EMX1: variants seen among roughly 807,000 people sequenced by gnomAD.
EMX1 encodes homeobox protein EMX1.
In EMX1, 10 loss-of-function variants were observed where a neutral mutation model predicts 20.1. The observed-to-expected ratio is 0.50, with a 90% CI of 0.31 to 0.84. The LOEUF is 0.84. EMX1 is among the 40% of genes least tolerant of loss of function. The pLI, the probability that EMX1 is intolerant of heterozygous loss-of-function variation, is 0.05. For missense variants in EMX1, 424 were observed against 431.9 expected (o/e 0.98, Z 0.16); for synonymous variants, 250 against 200.4 (o/e 1.25, Z -2.09).
At position 72,934,282 on chromosome 2, in the gene EMX1, A is replaced by C; in HGVS notation, c.*328A>C. The C allele has an allele frequency of 3.6e-6, 1 of 277,548 alleles. No individual in the cohort carries two copies. The highest frequency in any genetic ancestry group is 6.9e-6 in the Non-Finnish European group (1 of 145,736). 17.2% of individuals were successfully genotyped at this position (277,548 alleles called of 1,614,324 possible). ...TGTTTTAATTTATTTTCCAGGCACCACTGTAGTTTAGTGATCCCCAGTGTC... is the reference window on the plus strand; with the variant it reads ...TGTTTTAATTTATTTTCCAGGCACCCCTGTAGTTTAGTGATCCCCAGTGTC... On this transcript the variant is annotated 3_prime_UTR_variant, in exon 3 of 3. Coordinates refer to ENST00000258106, the MANE Select transcript of EMX1 (RefSeq NM_004097.3).
intron 2 of EMX1, among the ~76,000 whole-genome samples, chr2:72,928,525 G>C (rs1340446022): frequency 6.6e-6 from 1 of 152,138 alleles, no homozygotes; most frequent in Middle Eastern, 3.2e-3. Context: ...GGGTAAGTTA[G>C]TTTTAGGGGG....
intron 2 of EMX1, chr2:72,933,048 C>T (rs1254865693): frequency 6.6e-6 from 1 of 152,300 alleles, no homozygotes. Context: ...GGAGCTGGCA[C>T]CTGAGGGACA....
At chr2:72,925,512 G>C in intron 2 of EMX1, 2 of 1,288,814 alleles carry the variant, frequency 1.6e-6, no homozygotes, top group Non-Finnish European at 2.0e-6. Context: ...CAGTCTCTGC[G>C]TGCCGGCCGG....
At chr2:72,916,681 G>C (rs1036325673), upstream of EMX1, 1 of 716,592 alleles carries the variant, frequency 1.4e-6, no homozygotes. Context: ...GTGTTCTCTT[G>C]AGATGGGCTC....
Position 72,934,634 on chromosome 2 carries a change from G to T in EMX1, c.*680G>T. 1 of 152,408 alleles carries T rather than the reference G, an allele frequency of 6.6e-6. No homozygotes were observed. The highest frequency in any genetic ancestry group is 1.5e-5 in the Non-Finnish European group (1 of 68,114). The allele number at this position is 152,408 out of a possible 1,614,324, so 9.4% of individuals were successfully genotyped here. On this transcript the variant is annotated 3_prime_UTR_variant, in exon 3 of 3. Transcript: ENST00000258106. ...TTAACGTATTGAGAGGTGGGAATCA[G>T]GCCCAGGTAGTTCAATGGGAGAGGG...
At position 72,930,699 on chromosome 2, in the gene EMX1, G is replaced by A. The variant is rs1410337613; in HGVS notation, c.706-3088G>A. The stretch of plus-strand genomic sequence containing the variant: ...CCTTTCCAGGGCCTGTTTTCTCTAG[G>A]GAAGGGGCTCTGAAGGATCCAGAGT... On this transcript the variant is annotated intron_variant, in intron 2 of 2. Transcript: ENST00000258106. This position sits in a 1 kb window ranked among gnomAD's most constrained non-coding sequence, Gnocchi z 4.4. Among the ~76,000 whole-genome samples, 2 of 152,174 alleles carry A rather than the reference G, an allele frequency of 1.3e-5. No individual in the cohort carries two copies. Among genetic ancestry groups the A allele is most frequent in the Non-Finnish European group, 2.9e-5 (2 of 68,024 alleles).
chr2:72,916,576 C>G (rs1559055701), upstream of EMX1: 4 of 618,240 alleles, frequency 6.5e-6, no homozygotes, highest in East Asian at 8.2e-5. Flanking sequence ...TACGGAAAAA[C>G]TGGCCGGAGC....
At chr2:72,917,470 G>C (rs1413534718), upstream of EMX1, 1 of 193,650 alleles carries the variant, frequency 5.2e-6, no homozygotes, top group Admixed American at 5.6e-5. Context: ...CCCCCACCTT[G>C]GGGCAGGTGA....
In EMX1 at chr2:72,933,873, G is replaced by A; in HGVS notation, c.792G>A (p.Lys264=). 1 of 1,614,262 alleles carries A rather than the reference G, an allele frequency of 6.2e-7. No individual in the cohort carries two copies. The change falls in exon 3 of 3, where the codon AAG becomes AAA. Residue 264 remains lysine, a synonymous_variant. Transcript: ENST00000258106. ...GGCCTGAGTCCGAGCAGAAGAAGAA[G>A]GGCTCCCATCACATCAACCGGTGGC... ...EEGPESEQKK[K]GSHHINRWRI... is the part of the protein sequence containing the mutation.
chr2:72,925,903 T>C, intron 2 of EMX1: 1 of 985,452 alleles, frequency 1.0e-6, no homozygotes, highest in South Asian at 4.7e-5. Context: ...TGGGCTGTTC[T>C]AACTGCAGGG....
At chr2:72,923,999 A>C in intron 1 of EMX1, 1 of 506,950 alleles carries the variant, frequency 2.0e-6, no homozygotes, top group Admixed American at 3.3e-5. Flanking sequence ...GGCATTGTGA[A>C]TGTGGGTCCA....
rs776360264 is a variant in EMX1, at chr2:72,924,357, G to A, written c.569G>A (p.Arg190His). The A allele has an allele frequency of 1.3e-6, 2 of 1,586,576 alleles. No individual in the cohort carries two copies. The highest frequency in any genetic ancestry group is 2.3e-5 in the East Asian group (1 of 44,056). The change falls in exon 2 of 3, where the codon CGC becomes CAC. Residue 190 changes from arginine (R) to histidine (H), a missense_variant. Around this residue, in one of 2 missense-constraint regions of EMX1, gnomAD observed 333 missense variants for 296.6 expected, o/e 1.12. Transcript: ENST00000258106. ...CTGCTTCTGCACGGCCCCTTCGCAC[G>A]CAAGCCCAAGCGGATCCGCACGGCC... The part of the protein sequence containing the change: ...DGLLLHGPFA[R>H]KPKRIRTAFS...
rs916822919 is a variant in EMX1, at chr2:72,917,961, C to T, written c.109C>T (p.Pro37Ser). ...TAPAAATMFQ[P>S]AAKRGFTIES... The stretch of plus-strand genomic sequence containing the variant: ...TCCCGCGGCTGCGACCATGTTCCAG[C>T]CCGCGGCCAAGCGCGGCTTTACCAT... Residue 37 changes from proline to serine, a missense_variant, in exon 1 of 3, where the codon CCC becomes TCC. Coordinates refer to ENST00000258106, the MANE Select transcript of EMX1 (RefSeq NM_004097.3). The T allele has an allele frequency of 9.4e-6, 14 of 1,486,988 alleles. No homozygotes were observed. Among genetic ancestry groups the T allele is most frequent in the African/African-American group, 1.5e-5 (1 of 68,472 alleles). 92.1% of individuals were successfully genotyped at this position (1,486,988 alleles called of 1,614,324 possible). A position where few individuals can be genotyped will look rare whatever the true frequency, so the allele number is the denominator to read the frequency against.
intron 2 of EMX1, chr2:72,926,498 C>G (rs573893895): frequency 5.1e-6 from 1 of 195,042 alleles, no homozygotes; most frequent in African/African-American, 2.4e-5. Context: ...GGGAACCTGC[C>G]GTGGCAGCCT....
At position 72,917,920 on chromosome 2, in the gene EMX1, G is replaced by T; in HGVS notation, c.68G>T (p.Arg23Leu). 5 of 1,484,406 alleles carry T rather than the reference G, an allele frequency of 3.4e-6. No homozygotes were observed. The highest frequency in any genetic ancestry group is 4.4e-6 in the Non-Finnish European group (5 of 1,125,072). The allele number at this position is 1,484,406 out of a possible 1,614,324, so 92.0% of individuals were successfully genotyped here. A position where few individuals can be genotyped will look rare whatever the true frequency, so the allele number is the denominator to read the frequency against. Reference sequence around the variant, plus strand: ...GGACGCGGAGCGCTCCCCAGAGCCCGGCTGCCTCGCACAGCTCCCGCGGCT... The same window carrying T: ...GGACGCGGAGCGCTCCCCAGAGCCCTGCTGCCTCGCACAGCTCCCGCGGCT... ...APGRGALPRA[R>L]LPRTAPAAAT... Residue 23 changes from arginine (R) to leucine (L), a missense_variant, in exon 1 of 3, where the codon CGG (arginine) becomes CTG (leucine). Physicochemically the swap from Arg to Leu is moderately radical, Grantham distance 102. This residue lies in a region of EMX1 where 333 missense variants were observed against 296.6 expected (regional missense o/e 1.12). Coordinates refer to ENST00000258106, the MANE Select transcript of EMX1 (RefSeq NM_004097.3).
intron 1 of EMX1, among the ~76,000 whole-genome samples, chr2:72,920,833 C>T (rs1286563507): frequency 6.6e-6 from 1 of 152,198 alleles, no homozygotes; most frequent in Non-Finnish European, 1.5e-5. Context: ...GAGTGGGCCG[C>T]ATTTCGGTAC....
At chr2:72,928,879 T>C (rs1573899771) in intron 2 of EMX1, among the ~76,000 whole-genome samples, 1 of 151,914 alleles carries the variant, frequency 6.6e-6, no homozygotes, top group East Asian at 1.9e-4. Flanking sequence ...GGGGGATGCC[T>C]AGGATCCTAG....
In EMX1 at chr2:72,918,094, C is replaced by T. The variant is rs1347132153; in HGVS notation, c.242C>T (p.Thr81Met). The T allele has an allele frequency of 8.0e-5, 116 of 1,448,858 alleles. No individual in the cohort carries two copies. Among genetic ancestry groups the T allele is most frequent in the Non-Finnish European group, 1.0e-4 (115 of 1,110,698 alleles). The allele number at this position is 1,448,858 out of a possible 1,614,324, so 89.8% of individuals were successfully genotyped here. ...AAASEEPLRP[T>M]ALNYPHPSAA... ...GCCTCCGAGGAACCGCTCCGGCCCA[C>T]GGCGCTCAACTACCCTCACCCCAGC... Residue 81 changes from threonine (T) to methionine (M), a missense_variant, in exon 1 of 3, where the codon ACG (threonine) becomes ATG (methionine). Thr to Met is a moderately conservative substitution (Grantham distance 81). This residue lies in a region of EMX1 where 333 missense variants were observed against 296.6 expected (regional missense o/e 1.12). Coordinates refer to ENST00000258106, the MANE Select transcript of EMX1 (RefSeq NM_004097.3).
chr2:72,922,781 T>A (rs923015520), intron 1 of EMX1, among the ~76,000 whole-genome samples: 3 of 152,248 alleles, frequency 2.0e-5, no homozygotes, highest in African/African-American at 7.2e-5. Flanking sequence ...AATTATCTGC[T>A]TTTGATTCAC....
Sources: gnomAD v4.1 joint callset for allele counts (sites outside exome capture counted in the v4.1 genomes callset) on GRCh38, gnomAD v4.1.1 for gene constraint, gnomAD v4.1.1 regional missense constraint, Gnocchi (gnomAD v3.1) non-coding constraint, MANE v1.5 for transcripts, NCBI Gene and HGNC (gene_info 2026-07-23, HGNC 2026-07-21) for gene names.